GAS2: variants seen among roughly 807,000 people sequenced by gnomAD.
GAS2 encodes growth arrest-specific protein 2.
A neutral mutation model predicts 37.5 loss-of-function variants in GAS2; 20 were observed. The observed-to-expected ratio is 0.53, with a 90% CI of 0.37 to 0.77. The LOEUF is 0.77. GAS2 is among the 30% of genes least tolerant of loss of function. The pLI, the probability that GAS2 is intolerant of heterozygous loss-of-function variation, is 0.00. For missense variants in GAS2, 336 were observed against 373.4 expected (o/e 0.90, Z 0.82); for synonymous variants, 144 against 132.2 (o/e 1.09, Z -0.61).
Position 22,811,886 on chromosome 11 carries a change from T to C in GAS2, c.812T>C (p.Met271Thr). ...GYLLKHDPCR[M>T]LQISRVDGKT... ...TTGTTGAAACACGACCCCTGCCGAA[T>C]GCTGCAGATCTCCCGTGTGGATGGC... is the stretch of plus-strand genomic sequence containing the variant. Residue 271 changes from methionine to threonine, a missense_variant, in exon 8 of 8, where the codon ATG becomes ACG. By Grantham distance (81) the Met-to-Thr change is moderately conservative (BLOSUM62 -1). Transcript: ENST00000454584. The C allele has an allele frequency of 8.7e-6, 14 of 1,614,190 alleles. No homozygotes were observed. The highest frequency in any genetic ancestry group is 1.2e-5 in the Non-Finnish European group (14 of 1,180,018).
chr11:22,692,958 C>T (rs1850323459), intron 3 of GAS2, among the ~76,000 whole-genome samples: 1 of 152,162 alleles, frequency 6.6e-6, no homozygotes, highest in South Asian at 2.1e-4. Flanking sequence ...CTGACCCCTA[C>T]TACTAGATGC....
At chr11:22,676,308 G>T (rs991033599) in intron 2 of GAS2, among the ~76,000 whole-genome samples, 1 of 152,062 alleles carries the variant, frequency 6.6e-6, no homozygotes, top group Non-Finnish European at 1.5e-5. Flanking sequence ...CTAAACAGAT[G>T]GATTTTTCTC....
At chr11:22,699,477 A>G (rs1850717391) in intron 3 of GAS2, among the ~76,000 whole-genome samples, 1 of 152,174 alleles carries the variant, frequency 6.6e-6, no homozygotes, top group South Asian at 2.1e-4. Flanking sequence ...AGACATGTGA[A>G]GGAAAGTGAA....
intron 3 of GAS2, among the ~76,000 whole-genome samples, chr11:22,719,583 G>C (rs148944772): frequency 6.6e-6 from 1 of 152,016 alleles, no homozygotes; most frequent in South Asian, 2.1e-4. Context: ...ATTACATACA[G>C]AATAGTTTCA....
At chr11:22,756,820 A>C (rs1305391429) in intron 7 of GAS2, among the ~76,000 whole-genome samples, 1 of 152,134 alleles carries the variant, frequency 6.6e-6, no homozygotes, top group Admixed American at 6.6e-5. Context: ...ACAATGTGTT[A>C]TTATTGGAGT....
At chr11:22,797,924 A>G (rs1856505137) in intron 7 of GAS2, among the ~76,000 whole-genome samples, 1 of 152,104 alleles carries the variant, frequency 6.6e-6, no homozygotes, top group African/African-American at 2.4e-5. Flanking sequence ...AAATGGCAAT[A>G]TGTATCCCTA....
chr11:22,710,251 A>G (rs187895300), intron 3 of GAS2, among the ~76,000 whole-genome samples: 15 of 152,314 alleles, frequency 9.8e-5, no homozygotes, highest in Admixed American at 3.9e-4. Context: ...GTGAGCCACT[A>G]AAATAAATTC....
intron 1 of GAS2, among the ~76,000 whole-genome samples, chr11:22,641,509 C>A (rs1020796158): frequency 6.6e-6 from 1 of 150,574 alleles, no homozygotes; most frequent in Admixed American, 6.7e-5. Flanking sequence ...ACACACCCCA[C>A]GACAGGCCCT....
At chr11:22,658,116 C>G (rs890603814) in intron 1 of GAS2, among the ~76,000 whole-genome samples, 1 of 151,918 alleles carries the variant, frequency 6.6e-6, no homozygotes, top group African/African-American at 2.4e-5. Flanking sequence ...ACCTCCACCT[C>G]CCAGGTTCAA....
intron 6 of GAS2, among the ~76,000 whole-genome samples, chr11:22,754,553 C>T (rs1853919473): frequency 6.6e-6 from 1 of 152,004 alleles, no homozygotes; most frequent in Admixed American, 6.6e-5. Context: ...CTCACTGAGT[C>T]ATAATTGTAC....
At chr11:22,648,810 TAAG>T (rs1848735212) in intron 1 of GAS2, among the ~76,000 whole-genome samples, 1 of 152,242 alleles carries the variant, frequency 6.6e-6, no homozygotes, top group Non-Finnish European at 1.5e-5. Flanking sequence ...CTTATCAGCT[TAAG>T]GAGCTGAGAT....
chr11:22,777,994 T>C (rs1855350297), intron 7 of GAS2, among the ~76,000 whole-genome samples: 1 of 152,136 alleles, frequency 6.6e-6, no homozygotes, highest in Non-Finnish European at 1.5e-5. Flanking sequence ...TGATGAACAA[T>C]GTTAGTGGTA....
At chr11:22,635,291 A>G (rs745407377) in intron 1 of GAS2, among the ~76,000 whole-genome samples, 1 of 152,218 alleles carries the variant, frequency 6.6e-6, no homozygotes, top group African/African-American at 2.4e-5. Context: ...CAGCAGCTCT[A>G]GTGGAGATCA....
chr11:22,724,783 G>A lies in GAS2; in HGVS notation c.268-1509G>A, dbSNP rs116354947. ...AGAGATGGATCTTTGAGATTAGACA[G>A]ACACCCATTTTAAGTGATGTGGTAA... On this transcript the variant is annotated intron_variant, in intron 3 of 7. Transcript: ENST00000454584. 5.3e-3 allele frequency among the ~76,000 whole-genome samples: 799 copies of A among 152,132 alleles called. 5 individuals are homozygous for A. Among genetic ancestry groups the A allele is most frequent in the African/African-American group, 0.018 (755 of 41,530 alleles).
At chr11:22,776,622 G>A (rs979786636) in intron 7 of GAS2, among the ~76,000 whole-genome samples, 2 of 152,084 alleles carry the variant, frequency 1.3e-5, no homozygotes, top group South Asian at 4.1e-4. Context: ...TTTATATAAA[G>A]CTAAGAAAAT....
rs1313312858 is a variant in GAS2, at chr11:22,780,483, G to GAACC, written c.723+24532_723+24535dup. Among the ~76,000 whole-genome samples, 4 of 141,958 alleles carry GAACC rather than the reference G, an allele frequency of 2.8e-5. No individual in the cohort carries two copies. The East Asian group carries it at 8.7e-4, about 31-fold the overall frequency. The allele number at this position is 141,958 out of a possible 152,430, so 93.1% of individuals were successfully genotyped here. Reference sequence around the variant, plus strand: ...GCACTCCAGCCTGGGCAACAGAGCAGAACCACCTTGGACCATATGTGTCTG... The same window carrying GAACC: ...GCACTCCAGCCTGGGCAACAGAGCAGAACCAACCACCTTGGACCATATGTGTCTG... On this transcript the variant is annotated intron_variant, in intron 7 of 7. Transcript: ENST00000454584.
chr11:22,748,515 C>T (rs1413317459), intron 5 of GAS2, among the ~76,000 whole-genome samples: 5 of 152,156 alleles, frequency 3.3e-5, no homozygotes, highest in Non-Finnish European at 7.4e-5. Context: ...AATTATGTCT[C>T]TGTTTCCTCT....
chr11:22,665,197 T>C (rs537177895), upstream of GAS2, among the ~76,000 whole-genome samples: 6 of 152,298 alleles, frequency 3.9e-5, no homozygotes, highest in East Asian at 1.9e-4. Context: ...AGAATATTCA[T>C]ATCTGGGGAG....
chr11:22,652,993 G>GTCTT (rs10590128), intron 1 of GAS2, among the ~76,000 whole-genome samples: 1,280 of 97,106 alleles, frequency 0.013, 23 homozygotes, highest in African/African-American at 0.027. Flanking sequence ...TTCTTTCTTT[G>GTCTT]TCTTTCTTTC....
Sources: allele counts gnomAD v4.1 joint callset (sites outside exome capture counted in the v4.1 genomes callset), GRCh38; gene constraint gnomAD v4.1.1; transcripts MANE v1.5; gene names NCBI Gene and HGNC (gene_info 2026-07-23, HGNC 2026-07-21).